The following URI1 variants were observed in gnomAD, a reference collection of about 807,000 sequenced individuals.
The protein encoded by URI1 is unconventional prefoldin RPB5 interactor 1.
URI1 carries 39 observed loss-of-function variants against 60.2 expected under a neutral mutation model. The observed-to-expected ratio is 0.65, with a 90% CI of 0.50 to 0.85. URI1 has a LOEUF of 0.85. Ranked by LOEUF, URI1 falls within the 40% of genes least tolerant of loss-of-function variation. URI1 has a pLI of 0.00. For synonymous variants in URI1, 251 were observed against 236.8 expected (o/e 1.06, Z -0.55); for missense variants, 691 against 665.9 (o/e 1.04, Z -0.42).
At chr19:29,981,492 T>C (rs2055596776) in intron 2 of URI1, among the ~76,000 whole-genome samples, 1 of 152,132 alleles carries the variant, frequency 6.6e-6, no homozygotes, top group Non-Finnish European at 1.5e-5. Flanking sequence ...TTTTTTTTTT[T>C]TAATTTCCTT....
intron 8 of URI1, among the ~76,000 whole-genome samples, chr19:30,010,251 A>T (rs1490404721): frequency 6.6e-6 from 1 of 152,126 alleles, no homozygotes; most frequent in African/African-American, 2.4e-5. Context: ...GTGTGTGATT[A>T]TTATTTAGTG....
At chr19:29,987,363 A>C (rs904624247) in intron 4 of URI1, among the ~76,000 whole-genome samples, 1 of 152,172 alleles carries the variant, frequency 6.6e-6, no homozygotes, top group Non-Finnish European at 1.5e-5. Context: ...AATTCTGGGA[A>C]CTATATTTGG....
chr19:29,952,385 A>G (rs1054649766), intron 1 of URI1, among the ~76,000 whole-genome samples: 3 of 152,160 alleles, frequency 2.0e-5, no homozygotes, highest in Admixed American at 6.5e-5. Flanking sequence ...GGAATATCCT[A>G]TTTCCTTTTT....
At chr19:29,953,577 A>T (rs993316516) in intron 1 of URI1, among the ~76,000 whole-genome samples, 1 of 152,200 alleles carries the variant, frequency 6.6e-6, no homozygotes, top group Non-Finnish European at 1.5e-5. Context: ...GTCTTGAAAG[A>T]TGATGCAATA....
At chr19:29,942,113 ACACCGCCAG>A (rs2055031971), upstream of URI1, 11 of 620,494 alleles carry the variant, frequency 1.8e-5, no homozygotes, top group Non-Finnish European at 2.2e-5. Context: ...CCCAGCGCGG[ACACCGCCAG>A]CCCCAGCCAC....
At position 29,952,421 on chromosome 19, in the gene URI1, A is replaced by G. The variant is rs79359921; in HGVS notation, c.117+9757A>G. ...GTTCTTACAAGTATAGTGTTCACTC[A>G]CGGATTCTTAATTTTTCCTTATTCT... On this transcript the variant is annotated intron_variant, in intron 1 of 10. Transcript: ENST00000392271. Among the ~76,000 whole-genome samples, 1,065 of 152,324 alleles carry G rather than the reference A, an allele frequency of 7.0e-3. 8 individuals carry two copies. The highest frequency in any genetic ancestry group is 0.024 in the African/African-American group (1,010 of 41,562).
intron 2 of URI1, among the ~76,000 whole-genome samples, chr19:29,980,947 T>G (rs868192301): frequency 1.4e-5 from 2 of 147,354 alleles, no homozygotes; most frequent in African/African-American, 5.0e-5. Flanking sequence ...AAAAAAAAGT[T>G]CAATGTTAGT....
At chr19:29,959,043 A>G (rs556815750) in intron 1 of URI1, among the ~76,000 whole-genome samples, 1 of 152,212 alleles carries the variant, frequency 6.6e-6, no homozygotes. Flanking sequence ...TGGCTTCAGA[A>G]TTAGGCTGGT....
At chr19:29,970,197 C>G (rs1443470693) in intron 1 of URI1, among the ~76,000 whole-genome samples, 45 of 121,622 alleles carry the variant, frequency 3.7e-4, no homozygotes. Flanking sequence ...ATACAAGAGA[C>G]AATATTGGTA....
At chr19:29,967,556 A>G (rs2055405611) in intron 1 of URI1, among the ~76,000 whole-genome samples, 1 of 152,248 alleles carries the variant, frequency 6.6e-6, no homozygotes, top group Non-Finnish European at 1.5e-5. Flanking sequence ...ACTTAAGCTT[A>G]CAGAATTTGC....
upstream of URI1, among the ~76,000 whole-genome samples, chr19:29,941,650 G>C (rs2055025490): frequency 6.6e-6 from 1 of 151,626 alleles, no homozygotes; most frequent in South Asian, 2.1e-4. Flanking sequence ...AAAGAAAAGT[G>C]GGGGCAAAGT....
At chr19:29,926,456 A>T (rs1046460614) in intron 1 of URI1, among the ~76,000 whole-genome samples, 25 of 151,936 alleles carry the variant, frequency 1.6e-4, no homozygotes, top group African/African-American at 1.5e-4. Context: ...ATTTTAAAAA[A>T]TTTTTTATAG....
At chr19:29,961,991 G>C (rs770472839) in intron 1 of URI1, among the ~76,000 whole-genome samples, 1 of 152,056 alleles carries the variant, frequency 6.6e-6, no homozygotes, top group Non-Finnish European at 1.5e-5. Context: ...GGCTGCTTTC[G>C]ATTCTTCTGG....
intron 1 of URI1, among the ~76,000 whole-genome samples, chr19:29,954,627 G>T (rs2055221161): frequency 6.8e-6 from 1 of 147,696 alleles, no homozygotes; most frequent in East Asian, 2.0e-4. Flanking sequence ...CAATTCTCCT[G>T]CCTCAGCCTC....
intron 1 of URI1, among the ~76,000 whole-genome samples, chr19:29,955,316 T>C (rs1456171640): frequency 2.0e-5 from 3 of 152,088 alleles, no homozygotes; most frequent in Admixed American, 6.5e-5. Context: ...TCATCAGATA[T>C]TCAGCTGATA....
intron 8 of URI1, 34 bp from the exon 9 acceptor site, chr19:30,011,059 CA>C (rs764992009): frequency 1.9e-6 from 3 of 1,588,482 alleles, no homozygotes; most frequent in Non-Finnish European, 8.5e-7. Context: ...TTTAATTTGT[CA>C]AAAGATTCTT....
At chr19:29,923,691 G>A in exon 1 of URI1, 1 of 1,536,584 alleles carries the variant, frequency 6.5e-7, no homozygotes, top group Non-Finnish European at 8.7e-7. Flanking sequence ...TCACTGCCCT[G>A]ATGACAACAT....
intron 2 of URI1, 107 bp from the exon 3 acceptor site, chr19:29,985,116 T>C: frequency 1.1e-6 from 1 of 929,314 alleles, no homozygotes; most frequent in Non-Finnish European, 1.5e-6. Flanking sequence ...CGACACTCTG[T>C]CTCAAAAAAA....
Position 30,012,488 on chromosome 19 carries a change from A to G in URI1, c.1382A>G (p.Gln461Arg), listed in dbSNP as rs1293008742. The G allele has an allele frequency of 1.2e-6, 2 of 1,614,210 alleles. No individual in the cohort carries two copies. Among genetic ancestry groups the G allele is most frequent in the Non-Finnish European group, 1.7e-6 (2 of 1,180,012 alleles). Residue 461 changes from glutamine to arginine, a missense_variant, in exon 10 of 11, where the codon CAA (glutamine) becomes CGA (arginine). Gln to Arg is a conservative substitution (Grantham distance 43). Coordinates refer to ENST00000392271, the MANE Select transcript of URI1 (RefSeq NM_003796.3). ...GAGAGCATTTTGGAAGAGGAACCAC[A>G]AGAAAATCAAAAGAAACTTTTGCCC... is the stretch of plus-strand genomic sequence containing the variant. Reference protein sequence around the residue: ...TSESILEEEPQENQKKLLPLS... With the variant: ...TSESILEEEPRENQKKLLPLS...
Sources: gnomAD v4.1 joint callset for allele counts (sites outside exome capture counted in the v4.1 genomes callset) on GRCh38, gnomAD v4.1.1 for gene constraint, MANE v1.5 for transcripts, NCBI Gene and HGNC (gene_info 2026-07-23, HGNC 2026-07-21) for gene names.